Variants in SLC67A1 observed in about 807,000 individuals in gnomAD.
The protein encoded by SLC67A1 is solute carrier family 67 member 1, also known as solute carrier family 67 member A1.
chr11:2,923,617 G>T, the SLC67A1 span, among the ~76,000 whole-genome samples: 1 of 152,380 alleles, frequency 6.6e-6, no homozygotes, highest in African/African-American at 2.4e-5. This position sits in a 1 kb window ranked among gnomAD's most constrained non-coding sequence, Gnocchi z 6.5. Context: ...ACTCCATGGT[G>T]CATGGGCTGA....
At chr11:2,914,806 A>G in the SLC67A1 span, 2 of 985,400 alleles carry the variant, frequency 2.0e-6, no homozygotes, top group East Asian at 2.3e-4. Context: ...GAGCTGTGAC[A>G]CGCAGGCCTC....
At chr11:2,909,905 G>A in the SLC67A1 span, 1 of 569,676 alleles carries the variant, frequency 1.8e-6, no homozygotes, top group Non-Finnish European at 2.9e-6. Context: ...CCCTGGATAG[G>A]GCCAGGTGAT....
At chr11:2,901,208 A>G in the SLC67A1 span, among the ~76,000 whole-genome samples, 1 of 152,206 alleles carries the variant, frequency 6.6e-6, no homozygotes, top group African/African-American at 2.4e-5. Context: ...TTGTTTTCTG[A>G]TGCCCAACAT....
At chr11:2,909,102 C>T in the SLC67A1 span, 21 of 1,262,814 alleles carry the variant, frequency 1.7e-5, no homozygotes, top group African/African-American at 3.2e-4. Context: ...CGCACTCCAG[C>T]CTCCCTGGTC....
the SLC67A1 span, chr11:2,902,526 G>C: frequency 1.0e-6 from 1 of 965,534 alleles, no homozygotes; most frequent in African/African-American, 1.8e-5. Flanking sequence ...GGCGCCAGGC[G>C]CAGCTCCCGG....
chr11:2,916,982 C>T, the SLC67A1 span: 46 of 560,786 alleles, frequency 8.2e-5, no homozygotes, highest in Admixed American at 3.3e-4. Context: ...CAGGAAGGCC[C>T]AGACAGGGAA....
At chr11:2,918,010 C>G in the SLC67A1 span, 1 of 1,613,312 alleles carries the variant, frequency 6.2e-7, no homozygotes, top group Non-Finnish European at 8.5e-7. Flanking sequence ...CCAGTGTGTT[C>G]GACCTGAAGG....
chr11:2,902,114 C>T, the SLC67A1 span: 1 of 152,120 alleles, frequency 6.6e-6, no homozygotes, highest in Non-Finnish European at 1.5e-5. Flanking sequence ...GTGGGCGGGG[C>T]AGGGGCGGGT....
At chr11:2,899,863 G>A in the SLC67A1 span, 5 of 733,370 alleles carry the variant, frequency 6.8e-6, no homozygotes, top group South Asian at 4.0e-5. Context: ...AGCCTCCCTC[G>A]CACACCTCTG....
At chr11:2,909,508 G>GGGGCGGGTCAGGGGGGGAA in the SLC67A1 span, 3 of 1,456,384 alleles carry the variant, frequency 2.1e-6, no homozygotes, top group African/African-American at 4.4e-5. Flanking sequence ...GGCTTGTGGA[G>GGGGCGGGTCAGGGGGGGAA]GGGCGGGTCA....
chr11:2,903,858 C>T, the SLC67A1 span: 34 of 235,202 alleles, frequency 1.4e-4, no homozygotes, highest in South Asian at 2.8e-3. Context: ...TGGCTCTGGG[C>T]GGATCACCCC....
the SLC67A1 span, among the ~76,000 whole-genome samples, chr11:2,923,892 T>A: frequency 6.6e-6 from 1 of 152,132 alleles, no homozygotes; most frequent in South Asian, 2.1e-4. The surrounding 1 kb of genome is among the most constrained non-coding windows in gnomAD (Gnocchi z 6.5). Flanking sequence ...GCACCCTGAG[T>A]CTGCAGAAGA....
At chr11:2,903,958 G>A in the SLC67A1 span, among the ~76,000 whole-genome samples, 1 of 152,190 alleles carries the variant, frequency 6.6e-6, no homozygotes, top group South Asian at 2.1e-4. Flanking sequence ...GATCTGTGGC[G>A]GCAAATTGAT....
chr11:2,913,546 A>G, the SLC67A1 span, among the ~76,000 whole-genome samples: 1 of 152,278 alleles, frequency 6.6e-6, no homozygotes, highest in African/African-American at 2.4e-5. Flanking sequence ...TGGAAGCCAG[A>G]CGGCAGCTGC....
the SLC67A1 span, among the ~76,000 whole-genome samples, chr11:2,912,703 G>A: frequency 1.3e-5 from 2 of 152,238 alleles, no homozygotes; most frequent in Non-Finnish European, 2.9e-5. Context: ...AGGCTGGCCT[G>A]AGGAGGGACC....
At chr11:2,913,744 C>T in the SLC67A1 span, among the ~76,000 whole-genome samples, 1 of 152,092 alleles carries the variant, frequency 6.6e-6, no homozygotes, top group South Asian at 2.1e-4. Flanking sequence ...CTCAGCCCCA[C>T]CTGTGGGTTC....
the SLC67A1 span, chr11:2,916,720 AC>A: frequency 3.7e-6 from 6 of 1,612,778 alleles, no homozygotes; most frequent in Middle Eastern, 1.6e-4. Context: ...GCCAAAACTG[AC>A]GCCCAGGCTC....
the SLC67A1 span, among the ~76,000 whole-genome samples, chr11:2,909,015 G>T: frequency 6.6e-6 from 1 of 152,224 alleles, no homozygotes; most frequent in African/African-American, 2.4e-5. Flanking sequence ...CCACTGGGAC[G>T]CTGGGGAAAC....
At chr11:2,905,320 A>G in the SLC67A1 span, among the ~76,000 whole-genome samples, 1 of 152,084 alleles carries the variant, frequency 6.6e-6, no homozygotes, top group Admixed American at 6.5e-5. Flanking sequence ...ATCGTGGAGG[A>G]GGGAAGAAGC....
Sources: allele counts gnomAD v4.1 joint callset (sites outside exome capture counted in the v4.1 genomes callset), GRCh38; gene constraint gnomAD v4.1.1; non-coding constraint Gnocchi (gnomAD v3.1); transcripts MANE v1.5; gene names NCBI Gene and HGNC (gene_info 2026-07-23, HGNC 2026-07-21).